The following LARP1B variants were observed in gnomAD, a reference collection of about 807,000 sequenced individuals.
LARP1B encodes the protein la-related protein 1B.
A neutral mutation model predicts 114.2 loss-of-function variants in LARP1B; 76 were observed. The ratio of observed to expected loss-of-function variants is 0.67; its 90% CI spans 0.55 to 0.81. LARP1B has a LOEUF of 0.81. LARP1B is among the 30% of genes least tolerant of loss of function. LARP1B has a pLI of 0.00. For synonymous variants in LARP1B, 345 were observed against 348.0 expected (o/e 0.99, Z 0.10); for missense variants, 1,014 against 1,075.8 (o/e 0.94, Z 0.80).
chr4:128,108,247 C>T (rs1782767656), intron 9 of LARP1B: 1 of 1,113,736 alleles, frequency 9.0e-7, no homozygotes, highest in Non-Finnish European at 1.1e-6. Flanking sequence ...TTTCTGTTTC[C>T]AGGGTTATGT....
At chr4:128,066,776 C>T (rs1001518891) in intron 1 of LARP1B, among the ~76,000 whole-genome samples, 4 of 148,944 alleles carry the variant, frequency 2.7e-5, no homozygotes, top group African/African-American at 4.9e-5. Flanking sequence ...CGTGCCTGGC[C>T]GGGCTTTCTA....
At chr4:128,217,954 T>C in intron 6 of LARP1B, among the ~76,000 whole-genome samples, 1 of 120,742 alleles carries the variant, frequency 8.3e-6, no homozygotes, top group African/African-American at 3.2e-5. Context: ...AGTCTCAGGA[T>C]ACAAAATCAA....
chr4:128,130,978 G>A (rs1288615449), intron 11 of LARP1B, among the ~76,000 whole-genome samples: 1 of 152,186 alleles, frequency 6.6e-6, no homozygotes, highest in Non-Finnish European at 1.5e-5. Flanking sequence ...TCTGGAAAGG[G>A]CAAAACTATA....
At chr4:128,206,077 G>C (rs907725539) in intron 17 of LARP1B, among the ~76,000 whole-genome samples, 3 of 152,136 alleles carry the variant, frequency 2.0e-5, no homozygotes, top group African/African-American at 4.8e-5. Flanking sequence ...GATCCCCTGA[G>C]GCCAGGAGTT....
rs1356225030 is a variant in LARP1B at position 128,116,859 on chromosome 4, T to A, written c.1161+2117T>A. On this transcript the variant is annotated intron_variant, in intron 10 of 19. Transcript: ENST00000326639. ...TCTTTTGTCATCTTGGTTTCTTTTG[T>A]CATCTTATGAAAGTCAGTCCATTCA... is the stretch of plus-strand genomic sequence containing the variant. 3.3e-5 allele frequency among the ~76,000 whole-genome samples: 5 copies of A among 152,144 alleles called. No homozygotes were observed. In the East Asian group the frequency reaches 9.6e-4, roughly 29 times the overall value.
chr4:128,108,492 A>G lies in LARP1B; in HGVS notation c.988+1179A>G, dbSNP rs146196066. ...TTACTCTTCAAAATGTATTTTTGAT[A>G]CATCAGTATGAGAGGACGTCCCATC... On this transcript the variant is annotated intron_variant, in intron 9 of 19. Coordinates refer to ENST00000326639, the MANE Select transcript of LARP1B (RefSeq NM_018078.4). 1,185 of 985,756 alleles carry G rather than the reference A, an allele frequency of 1.2e-3. 16 individuals are homozygous for G. The African/African-American group carries it at 0.02, about 16-fold the overall frequency. The allele number at this position is 985,756 out of a possible 1,614,324, so 61.1% of individuals were successfully genotyped here. A position where few individuals can be genotyped will look rare whatever the true frequency, so the allele number is the denominator to read the frequency against.
At chr4:128,074,181 C>A (rs563683220) in intron 1 of LARP1B, among the ~76,000 whole-genome samples, 1 of 152,006 alleles carries the variant, frequency 6.6e-6, no homozygotes, top group African/African-American at 2.4e-5. Context: ...CTCAGGTGAT[C>A]CACCCACCTC....
In LARP1B at chr4:128,191,298, TG is replaced by T. The variant is rs1752192105; in HGVS notation, c.2004-8140del. 2.6e-5 allele frequency among the ~76,000 whole-genome samples: 4 copies of T among 152,222 alleles called. No homozygotes were observed. In the South Asian group the frequency reaches 8.3e-4, roughly 31 times the overall value. ...TGCATTTGGGGATGTCATAGTTCCG[TG>T]TTTGCTGTTGTTTCTCGTGGATGTA... On this transcript the variant is annotated intron_variant, in intron 15 of 19. Coordinates refer to ENST00000326639, the MANE Select transcript of LARP1B (RefSeq NM_018078.4).
chr4:128,167,452 T>C (rs1325893777), intron 12 of LARP1B, among the ~76,000 whole-genome samples: 1 of 152,028 alleles, frequency 6.6e-6, no homozygotes, highest in African/African-American at 2.4e-5. Context: ...GAGTTACTTA[T>C]GTATTTTGGA....
intron 9 of LARP1B, among the ~76,000 whole-genome samples, chr4:128,112,238 A>G (rs907284914): frequency 1.3e-5 from 2 of 152,062 alleles, no homozygotes; most frequent in African/African-American, 4.8e-5. Flanking sequence ...TCTTAAAATT[A>G]TAAAACATGA....
At chr4:128,192,375 T>G (rs1752573831) in intron 15 of LARP1B, among the ~76,000 whole-genome samples, 1 of 152,232 alleles carries the variant, frequency 6.6e-6, no homozygotes, top group Non-Finnish European at 1.5e-5. Context: ...ATGATGTGGT[T>G]ACATCCTGAT....
Position 128,210,310 on chromosome 4 carries a change from C to A in LARP1B, c.*257C>A. ...AGTCTTGGTGACCTTTTATAGAGAT[C>A]TTCTAGTAATGTATTTTGATCTCAG... On this transcript the variant is annotated 3_prime_UTR_variant, in exon 20 of 20. Transcript: ENST00000326639. 1 of 1,234,436 alleles carries A rather than the reference C, an allele frequency of 8.1e-7. No individual in the cohort carries two copies. Among genetic ancestry groups the A allele is most frequent in the African/African-American group, 1.5e-5 (1 of 66,026 alleles). 76.5% of individuals were successfully genotyped at this position (1,234,436 alleles called of 1,614,324 possible). A position where few individuals can be genotyped will look rare whatever the true frequency, so the allele number is the denominator to read the frequency against.
chr4:128,107,516 C>A, intron 9 of LARP1B: 1 of 1,401,302 alleles, frequency 7.1e-7, no homozygotes, highest in Admixed American at 3.0e-5. Context: ...ATGAGGAAAG[C>A]TGTCTTATGT....
intron 6 of LARP1B, among the ~76,000 whole-genome samples, chr4:128,219,295 G>A (rs1759788896): frequency 8.8e-6 from 1 of 113,060 alleles, no homozygotes; most frequent in Non-Finnish European, 1.8e-5. Context: ...CCATTACTGG[G>A]TATATACCCA....
intron 17 of LARP1B, among the ~76,000 whole-genome samples, chr4:128,201,432 A>G (rs1005633548): frequency 6.6e-6 from 1 of 152,176 alleles, no homozygotes; most frequent in Admixed American, 6.5e-5. Context: ...CTTAGAGCCA[A>G]CCCAGTTCTT....
chr4:128,178,244 T>C (rs1263926935), intron 13 of LARP1B, among the ~76,000 whole-genome samples, 187 bp from the exon 14 acceptor site: 4 of 151,694 alleles, frequency 2.6e-5, no homozygotes, highest in Admixed American at 6.6e-5. Flanking sequence ...TAAACAGATA[T>C]AGAAAAATAA....
At chr4:128,127,514 ATAG>A (rs1214639778) in intron 11 of LARP1B, among the ~76,000 whole-genome samples, 2 of 152,186 alleles carry the variant, frequency 1.3e-5, no homozygotes, top group Non-Finnish European at 2.9e-5. Flanking sequence ...TCAGGAATCC[ATAG>A]TAGTCAAAAC....
intron 19 of LARP1B, among the ~76,000 whole-genome samples, chr4:128,209,532 G>GCAA (rs1393324312): frequency 6.6e-6 from 1 of 152,094 alleles, no homozygotes; most frequent in African/African-American, 2.4e-5. Context: ...AAAAGAATGA[G>GCAA]CAAATACTAG....
intron 11 of LARP1B, 106 bp from the exon 12 acceptor site, chr4:128,162,088 T>C: frequency 1.0e-6 from 1 of 970,398 alleles, no homozygotes; most frequent in Non-Finnish European, 1.5e-6. Context: ...TCCATTGTAA[T>C]TAATCCCTGT....
Sources: gnomAD v4.1 joint callset for allele counts (sites outside exome capture counted in the v4.1 genomes callset) on GRCh38, gnomAD v4.1.1 for gene constraint, MANE v1.5 for transcripts, NCBI Gene and HGNC (gene_info 2026-07-23, HGNC 2026-07-21) for gene names.